The following DAZL variants were observed in gnomAD, a reference collection of about 807,000 sequenced individuals.
DAZL encodes deleted in azoospermia-like.
Under a neutral mutation model 45.0 loss-of-function variants are expected in DAZL, and 4 were observed. The ratio of observed to expected loss-of-function variants is 0.09; its 90% CI spans 0.04 to 0.20. The LOEUF (loss-of-function observed/expected upper bound fraction) is 0.20, where lower values mean the gene tolerates loss of function less well. Ranked by LOEUF, DAZL falls within the 10% of genes least tolerant of loss-of-function variation. The pLI is 1.00. For missense variants in DAZL, 326 were observed against 351.3 expected (o/e 0.93, Z 0.58); for synonymous variants, 122 against 112.4 (o/e 1.09, Z -0.54).
intron 1 of DAZL, among the ~76,000 whole-genome samples, chr3:16,604,064 C>G (rs909323751): frequency 1.3e-5 from 2 of 152,116 alleles, no homozygotes; most frequent in African/African-American, 4.8e-5. Context: ...AAGGTGATTA[C>G]TTTTTATTAG....
chr3:16,604,092 T>A (rs1422470327), intron 1 of DAZL, among the ~76,000 whole-genome samples: 1 of 152,236 alleles, frequency 6.6e-6, no homozygotes, highest in Non-Finnish European at 1.5e-5. Flanking sequence ...AACTATATGT[T>A]GCACAATTAC....
At chr3:16,604,709 T>G (rs947058402) in intron 1 of DAZL, 1 of 1,357,508 alleles carries the variant, frequency 7.4e-7, no homozygotes, top group Non-Finnish European at 9.4e-7. Context: ...GGCAAGTCCC[T>G]CAGCAGGCCC....
In DAZL at chr3:16,598,573, T is replaced by C; in HGVS notation, c.29A>G (p.Asn10Ser). 1.3e-6 allele frequency: 2 copies of C among 1,599,216 alleles called. No homozygotes were observed. The highest frequency in any genetic ancestry group is 1.7e-6 in the Non-Finnish European group (2 of 1,178,484). ...GCTGGCCTCTCTGGAGATGGTTGAG[T>C]TTGGAGTTTCAGGATTTGCAGTAGA... MSTANPETP[N>S]STISREASTQ... The change falls in exon 2 of 11, where the codon AAC becomes AGC. Residue 10 changes from asparagine (N) to serine (S), a missense_variant. Physicochemically the swap from Asn to Ser is conservative, Grantham distance 46. Coordinates refer to ENST00000399444, the MANE Select transcript of DAZL (RefSeq NM_001351.4).
intron 1 of DAZL, chr3:16,604,527 G>A: frequency 1.3e-6 from 2 of 1,488,540 alleles, no homozygotes; most frequent in Non-Finnish European, 8.9e-7. Flanking sequence ...CAGCTGACAG[G>A]CGCGAGGGGA....
rs1694556617 is a variant in DAZL at position 16,593,768 on chromosome 3, C to A, written c.622G>T (p.Ala208Ser). The A allele has an allele frequency of 1.3e-6, 2 of 1,587,400 alleles. No individual in the cohort carries two copies. The highest frequency in any genetic ancestry group is 8.6e-7 in the Non-Finnish European group (1 of 1,157,172). ...GEQRSYVVPP[A>S]YSAVNYHCNE... ...CAGTGGTAGTTAACAGCTGAATAAGCCTATATTTAAAATAATGAAAGTGTA... is the reference window on the plus strand; with the variant it reads ...CAGTGGTAGTTAACAGCTGAATAAGACTATATTTAAAATAATGAAAGTGTA... The change falls in exon 9 of 11, where the codon GCT (alanine) becomes TCT (serine). Residue 208 changes from alanine to serine, a missense_variant and splice_region_variant. Transcript: ENST00000399444.
At position 16,605,360 on chromosome 3, in the gene DAZL, A is replaced by G. The variant is rs1694763480; in HGVS notation, c.-155T>C. The G allele has an allele frequency of 1.1e-6, 1 of 927,504 alleles. No homozygotes were observed. Among genetic ancestry groups the G allele is most frequent in the East Asian group, 2.5e-5 (1 of 39,814 alleles). The allele number at this position is 927,504 out of a possible 1,614,324, so 57.5% of individuals were successfully genotyped here. On this transcript the variant is annotated 5_prime_UTR_variant, in exon 1 of 11. Coordinates refer to ENST00000399444, the MANE Select transcript of DAZL (RefSeq NM_001351.4). ...AGATGAAGAGAAAAGGAAAACCAAGAGCGGGTGACAAGGCTGAGGAGCCCC... is the reference window on the plus strand; with the variant it reads ...AGATGAAGAGAAAAGGAAAACCAAGGGCGGGTGACAAGGCTGAGGAGCCCC...
chr3:16,604,618 C>T (rs1205632351), intron 1 of DAZL: 3 of 1,363,880 alleles, frequency 2.2e-6, no homozygotes, highest in South Asian at 1.9e-5. Context: ...GAGGCCCCCA[C>T]GAACCCCGCC....
intron 8 of DAZL, 118 bp downstream of exon 8, chr3:16,594,415 C>CA (rs945456782): frequency 2.6e-6 from 2 of 783,710 alleles, no homozygotes; most frequent in East Asian, 2.9e-5. Context: ...CACATTAATA[C>CA]AAAAAACTAT....
rs531862491 is a variant in DAZL, at chr3:16,597,168, A to G, written c.295-117T>C. 54 of 1,224,736 alleles carry G rather than the reference A, an allele frequency of 4.4e-5. No individual in the cohort carries two copies. The African/African-American group carries it at 7.8e-4, about 18-fold the overall frequency. 75.9% of individuals were successfully genotyped at this position (1,224,736 alleles called of 1,614,324 possible). ...TTATCATAGAAGATCAGTGATAACT[A>G]CACACCAAATTAAAATTTGTCATCA... On this transcript the variant is annotated intron_variant, in intron 4 of 10. Coordinates refer to ENST00000399444, the MANE Select transcript of DAZL (RefSeq NM_001351.4).
At chr3:16,599,049 C>T (rs1694644255) in intron 1 of DAZL, among the ~76,000 whole-genome samples, 1 of 152,136 alleles carries the variant, frequency 6.6e-6, no homozygotes, top group Admixed American at 6.5e-5. Flanking sequence ...TCCCAAAGTG[C>T]TGGGATTACA....
intron 10 of DAZL, among the ~76,000 whole-genome samples, chr3:16,591,145 C>T (rs1249560571): frequency 2.0e-5 from 3 of 152,102 alleles, no homozygotes; most frequent in African/African-American, 7.2e-5. Flanking sequence ...ACTACAGGGA[C>T]CCAGAAACCT....
intron 9 of DAZL, among the ~76,000 whole-genome samples, chr3:16,593,314 C>A (rs1458174245): frequency 6.6e-6 from 1 of 152,158 alleles, no homozygotes; most frequent in Non-Finnish European, 1.5e-5. Context: ...ATTTCACCAA[C>A]CTTTACATTA....
At chr3:16,591,295 ACT>A (rs938911050) in intron 10 of DAZL, among the ~76,000 whole-genome samples, 1 of 151,662 alleles carries the variant, frequency 6.6e-6, no homozygotes, top group Non-Finnish European at 1.5e-5. Context: ...CACTTTACCA[ACT>A]CTGTCTGAAT....
At position 16,598,944 on chromosome 3, in the gene DAZL, C is replaced by T. The variant is rs528857458; in HGVS notation, c.4-346G>A. On this transcript the variant is annotated intron_variant, in intron 1 of 10. Coordinates refer to ENST00000399444, the MANE Select transcript of DAZL (RefSeq NM_001351.4). ...GATTACATGCGCCCGACACCACGCC[C>T]GGCTAATTTTGTATTTTTAGTAGAG... Among the ~76,000 whole-genome samples, 9 of 151,990 alleles carry T rather than the reference C, an allele frequency of 5.9e-5. No individual in the cohort carries two copies. The South Asian group carries it at 1.0e-3, about 18-fold the overall frequency.
At chr3:16,600,268 A>T (rs1217587818) in intron 1 of DAZL, among the ~76,000 whole-genome samples, 2 of 152,314 alleles carry the variant, frequency 1.3e-5, no homozygotes, top group African/African-American at 4.8e-5. Flanking sequence ...GGAATTAATA[A>T]GAAAGTAGAG....
At position 16,604,818 on chromosome 3, in the gene DAZL, G is replaced by C; in HGVS notation, c.3+385C>G. ...GGGAGGGGCGGAGGCGCGTGAGTGGGGGAGCGCGTGGGAGTGGGGGCGGGG... is the reference window on the plus strand; with the variant it reads ...GGGAGGGGCGGAGGCGCGTGAGTGGCGGAGCGCGTGGGAGTGGGGGCGGGG... On this transcript the variant is annotated intron_variant, in intron 1 of 10. Coordinates refer to ENST00000399444, the MANE Select transcript of DAZL (RefSeq NM_001351.4). 3.7e-6 allele frequency: 4 copies of C among 1,075,294 alleles called. No homozygotes were observed. In the South Asian group the frequency reaches 7.5e-5, roughly 20 times the overall value. 66.6% of individuals were successfully genotyped at this position (1,075,294 alleles called of 1,614,324 possible). A position where few individuals can be genotyped will look rare whatever the true frequency, so the allele number is the denominator to read the frequency against.
intron 8 of DAZL, 43 bp from the exon 9 acceptor site, chr3:16,593,811 A>T: frequency 1.5e-6 from 2 of 1,291,024 alleles, no homozygotes; most frequent in Non-Finnish European, 2.2e-6. Context: ...AGATATACAG[A>T]TATATTTAAA....
Position 16,592,966 on chromosome 3 carries a change from A to C in DAZL, c.735+689T>G, listed in dbSNP as rs146515207. On this transcript the variant is annotated intron_variant, in intron 9 of 10. Transcript: ENST00000399444. ...TTTGCTCTAATGATAAAAAGAAGAA[A>C]GAACCCTGCCTAATTCAATATTTGA... Among the ~76,000 whole-genome samples the C allele has an allele frequency of 1.9e-4, 29 of 152,318 alleles. No individual in the cohort carries two copies. The East Asian group carries it at 4.6e-3, about 24-fold the overall frequency.
rs1441645376 is a variant in DAZL at position 16,603,454 on chromosome 3, C to A, written c.3+1749G>T. ...ACCTGCCTCACAGGTTCAAGTGATT[C>A]TCCTGCCTCAGCCTCCCGAGTAGCT... On this transcript the variant is annotated intron_variant, in intron 1 of 10. Transcript: ENST00000399444. 2.0e-5 allele frequency among the ~76,000 whole-genome samples: 3 copies of A among 151,800 alleles called. No individual in the cohort carries two copies. The East Asian group carries it at 5.8e-4, about 29-fold the overall frequency.
Sources: allele counts gnomAD v4.1 joint callset (sites outside exome capture counted in the v4.1 genomes callset), GRCh38; gene constraint gnomAD v4.1.1; transcripts MANE v1.5; gene names NCBI Gene and HGNC (gene_info 2026-07-23, HGNC 2026-07-21).